TACC3: variants seen among roughly 807,000 people sequenced by gnomAD.
TACC3 encodes transforming acidic coiled-coil containing protein 3, also known as transforming acidic coiled-coil-containing protein 3.
TACC3 carries 52 observed loss-of-function variants against 86.0 expected under a neutral mutation model. The observed-to-expected ratio is 0.60, with a 90% CI of 0.48 to 0.76. The LOEUF (loss-of-function observed/expected upper bound fraction) is 0.76. TACC3 is among the 30% of genes least tolerant of loss of function. TACC3 has a pLI of 0.00. For synonymous variants in TACC3, 512 were observed against 430.0 expected, an observed-to-expected ratio of 1.19 and a Z score of -2.36; for missense variants, 1,120 against 1,070.4, an observed-to-expected ratio of 1.05 and a Z score of -0.65.
At chr4:1,720,991 C>CG (rs1341115155), upstream of TACC3, 16 of 340,484 alleles carry the variant, frequency 4.7e-5, no homozygotes, top group East Asian at 7.0e-4. This position sits in a 1 kb window ranked among gnomAD's most constrained non-coding sequence, Gnocchi z 4.4. Context: ...CGGCCGCCCG[C>CG]GGGGCACTCT....
rs3752747 is a variant in TACC3, at chr4:1,735,381, C to T, written c.1644+56C>T. On this transcript the variant is annotated intron_variant, in intron 7 of 15. Coordinates refer to ENST00000313288, the MANE Select transcript of TACC3 (RefSeq NM_006342.3). This position sits in a 1 kb window ranked among gnomAD's most constrained non-coding sequence, Gnocchi z 4.2. ...CCCACAGGGTGTCCGAGAGCAGCCACGGCAGGTCTTGCCCCCGGAGCGTCC... is the reference window on the plus strand; with the variant it reads ...CCCACAGGGTGTCCGAGAGCAGCCATGGCAGGTCTTGCCCCCGGAGCGTCC... 0.36 allele frequency: 576,650 copies of T among 1,606,684 alleles called. 109,363 individuals are homozygous for T. Among genetic ancestry groups the T allele is most frequent in the East Asian group, 0.7 (31,275 of 44,820 alleles).
Position 1,735,337 on chromosome 4 carries a change from G to A in TACC3, c.1644+12G>A. ...TTGGAACTTCCTCGGTAGGTACCAG[G>A]CAATTCCGCGAAGCCTCACCCACAG... is the stretch of plus-strand genomic sequence containing the variant. On this transcript the variant is annotated intron_variant, in intron 7 of 15. Transcript: ENST00000313288. This position sits in a 1 kb window ranked among gnomAD's most constrained non-coding sequence, Gnocchi z 4.2. 1 of 1,613,900 alleles carries A rather than the reference G, an allele frequency of 6.2e-7. No individual in the cohort carries two copies. Among genetic ancestry groups the A allele is most frequent in the Non-Finnish European group, 8.5e-7 (1 of 1,180,004 alleles).
chr4:1,723,898 G>A, intron 3 of TACC3, 28 bp downstream of exon 3: 2 of 1,610,660 alleles, frequency 1.2e-6, no homozygotes, highest in Non-Finnish European at 1.7e-6. Flanking sequence ...TGGACATGCT[G>A]GAGCTTCACC....
In TACC3 at chr4:1,728,629, A is replaced by T; in HGVS notation, c.1227A>T (p.Lys409Asn). Residue 409 changes from lysine to asparagine, a missense_variant, in exon 4 of 16, where the codon AAA becomes AAT. Transcript: ENST00000313288. ...SRGSYHLDWD[K>N]MDDPNFIPFG... Reference sequence around the variant, plus strand: ...GCTCTTACCACCTCGACTGGGACAAAATGGATGACCCAAACTTCATCCCGT... The same window carrying T: ...GCTCTTACCACCTCGACTGGGACAATATGGATGACCCAAACTTCATCCCGT... 2 of 1,613,892 alleles carry T rather than the reference A, an allele frequency of 1.2e-6. No individual in the cohort carries two copies. The highest frequency in any genetic ancestry group is 4.5e-5 in the East Asian group (2 of 44,870).
intron 13 of TACC3, among the ~76,000 whole-genome samples, chr4:1,743,957 G>A (rs1352898508): frequency 6.6e-6 from 1 of 152,208 alleles, no homozygotes; most frequent in Non-Finnish European, 1.5e-5. Flanking sequence ...TGGGCTGTGA[G>A]GCCGCTGGGG....
At chr4:1,720,850 G>T, upstream of TACC3, 4 of 1,565,014 alleles carry the variant, frequency 2.6e-6, no homozygotes, top group South Asian at 3.5e-5. The surrounding 1 kb of genome is among the most constrained non-coding windows in gnomAD (Gnocchi z 4.4). Context: ...CGCAGCCGCC[G>T]GGAAGCTGTC....
chr4:1,726,832 A>G (rs1717712602), intron 3 of TACC3, among the ~76,000 whole-genome samples: 1 of 152,020 alleles, frequency 6.6e-6, no homozygotes, highest in Non-Finnish European at 1.5e-5. Flanking sequence ...TGGATTTTTT[A>G]CAGGAAATGG....
At chr4:1,721,051 G>C (rs949957961), upstream of TACC3, 3 of 299,750 alleles carry the variant, frequency 1.0e-5, no homozygotes, top group Non-Finnish European at 1.8e-5. Context: ...TCTAGGACAT[G>C]GAGTCCCGCC....
At chr4:1,730,629 C>T (rs1230635129) in intron 4 of TACC3, 14 of 624,642 alleles carry the variant, frequency 2.2e-5, no homozygotes, top group Middle Eastern at 2.5e-4. Flanking sequence ...TTGGCTGCAT[C>T]GTGCTGACTT....
At chr4:1,722,231 C>T (rs903338882) in intron 1 of TACC3, among the ~76,000 whole-genome samples, 2 of 152,200 alleles carry the variant, frequency 1.3e-5, no homozygotes, top group Non-Finnish European at 2.9e-5. Flanking sequence ...CCCCTCCTGA[C>T]TAAGGCTGGG....
intron 13 of TACC3, among the ~76,000 whole-genome samples, chr4:1,742,317 C>T (rs1312301811): frequency 6.6e-6 from 1 of 152,216 alleles, no homozygotes; most frequent in African/African-American, 2.4e-5. Context: ...GAGGACACAG[C>T]GGCTTTGCTG....
chr4:1,720,917 G>A, upstream of TACC3: 1 of 1,262,432 alleles, frequency 7.9e-7, no homozygotes, highest in Non-Finnish European at 1.0e-6. This position sits in a 1 kb window ranked among gnomAD's most constrained non-coding sequence, Gnocchi z 4.4. Flanking sequence ...TCCCGGACCT[G>A]TCGGTTGCGG....
At position 1,728,714 on chromosome 4, in the gene TACC3, A is replaced by C. The variant is rs1201546108; in HGVS notation, c.1312A>C (p.Arg438=). 6.2e-7 allele frequency: 1 copy of C among 1,613,452 alleles called. No homozygotes were observed. The highest frequency in any genetic ancestry group is 2.2e-5 in the East Asian group (1 of 44,884). ...EAQPPESPET[R]LGQPAAEQLH... ...CCAGCCCCCAGAAAGCCCTGAGACCAGGCTGGGCCAGCCAGCGGCTGAACA... is the reference window on the plus strand; with the variant it reads ...CCAGCCCCCAGAAAGCCCTGAGACCCGGCTGGGCCAGCCAGCGGCTGAACA... Residue 438 remains arginine, a synonymous_variant, in exon 4 of 16, where the codon AGG becomes CGG. Coordinates refer to ENST00000313288, the MANE Select transcript of TACC3 (RefSeq NM_006342.3).
rs986367310 is a variant in TACC3 at position 1,740,064 on chromosome 4, GCCCTGCCCTGCA to G, written c.2062+70_2062+81del. 5.1e-6 allele frequency: 8 copies of G among 1,561,782 alleles called. No homozygotes were observed. In the African/African-American group the frequency reaches 1.1e-4, roughly 21 times the overall value. ...GAGGGGCTGCCTATGCCCCACCCTG[GCCCTGCCCTGCA>G]CCCTGCCTAGGACCCCACCCTCCTG... is the stretch of plus-strand genomic sequence containing the variant. On this transcript the variant is annotated intron_variant, in intron 12 of 15. Coordinates refer to ENST00000313288, the MANE Select transcript of TACC3 (RefSeq NM_006342.3).
chr4:1,728,788 G>A lies in TACC3; in HGVS notation c.1385+1G>A. 6.2e-7 allele frequency: 1 copy of A among 1,600,814 alleles called. No homozygotes were observed. The highest frequency in any genetic ancestry group is 8.5e-7 in the Non-Finnish European group (1 of 1,175,036). On this transcript the variant is annotated splice_donor_variant, in intron 4 of 15. Transcript: ENST00000313288. LOFTEE classifies it high-confidence loss of function. The stretch of plus-strand genomic sequence containing the variant: ...AGGAGCCAGGTCCCTGTCTGAGCCA[G>A]TAAGTGTGAGGATGGGATGGGGAGC...
chr4:1,739,818 CCCTCGCCATCCT>C (rs1484371418), intron 11 of TACC3, 40 bp downstream of exon 11: 2 of 685,254 alleles, frequency 2.9e-6, no homozygotes, highest in South Asian at 2.2e-5. Context: ...GTCCCCATCC[CCCTCGCCATCCT>C]TGTCCCCATC....
chr4:1,733,053 A>G (rs909090267), intron 6 of TACC3, among the ~76,000 whole-genome samples: 17 of 152,122 alleles, frequency 1.1e-4, no homozygotes, highest in African/African-American at 4.1e-4. Context: ...ACTGGCAGTT[A>G]TAAGAGAGCT....
chr4:1,725,380 C>G (rs541139208), intron 3 of TACC3, among the ~76,000 whole-genome samples: 1 of 152,318 alleles, frequency 6.6e-6, no homozygotes, highest in South Asian at 2.1e-4. Context: ...GGGTCCGTCT[C>G]CCCTCTACCC....
At chr4:1,732,179 C>T (rs1278913942) in intron 6 of TACC3, among the ~76,000 whole-genome samples, 2 of 151,524 alleles carry the variant, frequency 1.3e-5, no homozygotes, top group Non-Finnish European at 2.9e-5. Flanking sequence ...TAAATAAATA[C>T]GGCTTGTCCG....
Sources: gnomAD v4.1 joint callset for allele counts (sites outside exome capture counted in the v4.1 genomes callset) on GRCh38, gnomAD v4.1.1 for gene constraint, Gnocchi (gnomAD v3.1) non-coding constraint, MANE v1.5 for transcripts, NCBI Gene and HGNC (gene_info 2026-07-23, HGNC 2026-07-21) for gene names.